The following CALN1 variants were observed in gnomAD, a reference collection of about 807,000 sequenced individuals.
CALN1 encodes calcium-binding protein 8.
Under a neutral mutation model 30.6 loss-of-function variants are expected in CALN1, and 17 were observed. The ratio of observed to expected loss-of-function variants is 0.56; its 90% CI spans 0.38 to 0.83. The LOEUF (loss-of-function observed/expected upper bound fraction) is 0.83. Among genes scored for constraint, CALN1 ranks in the 40% least tolerant of loss-of-function variants. CALN1 has a pLI of 0.00. For missense variants in CALN1, 291 were observed against 354.9 expected (o/e 0.82, Z 1.45); for synonymous variants, 156 against 131.4 (o/e 1.19, Z -1.28).
At chr7:72,051,570 G>A (rs902470073) in intron 4 of CALN1, among the ~76,000 whole-genome samples, 2 of 152,078 alleles carry the variant, frequency 1.3e-5, no homozygotes, top group Admixed American at 1.3e-4. Context: ...CCAGGATGAA[G>A]AAAAAGTGGA....
the CALN1 span, among the ~76,000 whole-genome samples, chr7:72,483,210 T>C: frequency 6.6e-6 from 1 of 152,050 alleles, no homozygotes; most frequent in Non-Finnish European, 1.5e-5. Flanking sequence ...GTTCTTATTT[T>C]CCCCTGATGT....
At chr7:71,922,731 A>AGAATATATTATATAAATATATAACATACC (rs1795026303) in intron 5 of CALN1, among the ~76,000 whole-genome samples, 2 of 138,612 alleles carry the variant, frequency 1.4e-5, no homozygotes, top group African/African-American at 5.3e-5. Flanking sequence ...TATAACATAC[A>AGAATATATTATATAAATATATAACATACC]GAATATATTA....
chr7:71,967,137 A>C (rs1185959478), intron 5 of CALN1, among the ~76,000 whole-genome samples: 2 of 152,192 alleles, frequency 1.3e-5, no homozygotes, highest in African/African-American at 4.8e-5. Flanking sequence ...TAAAACTATA[A>C]AATATACAGA....
At position 71,784,660 on chromosome 7, in the gene CALN1, C is replaced by G. The variant is rs1016793354; in HGVS notation, c.*3115G>C. The G allele has an allele frequency of 2.5e-6, 1 of 396,608 alleles. No homozygotes were observed. Among genetic ancestry groups the G allele is most frequent in the African/African-American group, 2.1e-5 (1 of 48,570 alleles). 24.6% of individuals were successfully genotyped at this position (396,608 alleles called of 1,614,324 possible). A position where few individuals can be genotyped will look rare whatever the true frequency, so the allele number is the denominator to read the frequency against. ...AGGGGGGCGGCGGGGGGTACCTGCT[C>G]TTGCAGCAAGAATGAGCCAACCTGT... On this transcript the variant is annotated 3_prime_UTR_variant, in exon 7 of 7. Coordinates refer to ENST00000395275, the MANE Select transcript of CALN1 (RefSeq NM_031468.4).
chr7:72,428,340 T>A (rs1412627858), intron 1 of CALN1, among the ~76,000 whole-genome samples: 1 of 152,104 alleles, frequency 6.6e-6, no homozygotes, highest in Non-Finnish European at 1.5e-5. Flanking sequence ...GGGAGGCGAT[T>A]TTTGGAAGTG....
chr7:71,999,852 G>T (rs181658063), intron 5 of CALN1, among the ~76,000 whole-genome samples: 1 of 151,760 alleles, frequency 6.6e-6, no homozygotes, highest in East Asian at 1.9e-4. Flanking sequence ...CATTCACCAA[G>T]ACAGATAATA....
intron 2 of CALN1, among the ~76,000 whole-genome samples, chr7:72,386,779 G>A (rs1169625417): frequency 1.3e-5 from 2 of 152,158 alleles, no homozygotes; most frequent in South Asian, 2.1e-4. Flanking sequence ...GGGGCTACAG[G>A]GGCATGCCAC....
At chr7:72,405,115 G>A (rs1337727993) in intron 1 of CALN1, among the ~76,000 whole-genome samples, 3 of 152,128 alleles carry the variant, frequency 2.0e-5, no homozygotes, top group Non-Finnish European at 2.9e-5. Flanking sequence ...CAGGAATGAT[G>A]AGATACGACA....
chr7:72,035,267 T>C (rs774875335), intron 4 of CALN1, among the ~76,000 whole-genome samples: 3 of 151,990 alleles, frequency 2.0e-5, no homozygotes, highest in Non-Finnish European at 1.5e-5. Flanking sequence ...CATGAAACCA[T>C]AGCTCCTCAT....
intron 2 of CALN1, among the ~76,000 whole-genome samples, chr7:72,297,536 G>GA (rs1309351065): frequency 2.0e-5 from 3 of 152,128 alleles, no homozygotes; most frequent in Non-Finnish European, 4.4e-5. Context: ...TCAAGATAAA[G>GA]AAAGTGGATT....
intron 5 of CALN1, among the ~76,000 whole-genome samples, chr7:71,835,678 C>A (rs115816863): frequency 1.1e-3 from 175 of 152,218 alleles, no homozygotes; most frequent in African/African-American, 4.0e-3. Flanking sequence ...GCACATAAAC[C>A]ACCAGCCCCA....
intron 2 of CALN1, among the ~76,000 whole-genome samples, chr7:72,314,376 C>T (rs1013354312): frequency 1.9e-4 from 8 of 41,940 alleles, no homozygotes; most frequent in East Asian, 7.3e-4. Flanking sequence ...CATATATACA[C>T]ATATATACAC....
chr7:71,852,130 G>A lies in CALN1; in HGVS notation c.502-41638C>T, dbSNP rs559440435. The stretch of plus-strand genomic sequence containing the variant: ...GATTAGTTCATTCCATTTTGTCATC[G>A]AACAGCATTTCATTGCACACGTTCA... On this transcript the variant is annotated intron_variant, in intron 5 of 6. Coordinates refer to ENST00000395275, the MANE Select transcript of CALN1 (RefSeq NM_031468.4). 5.3e-5 allele frequency among the ~76,000 whole-genome samples: 8 copies of A among 152,170 alleles called. No individual in the cohort carries two copies. In the South Asian group the frequency reaches 1.5e-3, roughly 28 times the overall value.
intron 5 of CALN1, among the ~76,000 whole-genome samples, chr7:71,866,390 G>A (rs900524559): frequency 6.6e-6 from 1 of 151,712 alleles, no homozygotes; most frequent in South Asian, 2.1e-4. Context: ...GCTATATTAT[G>A]TATATTATGC....
intron 3 of CALN1, among the ~76,000 whole-genome samples, chr7:72,200,941 A>G (rs896883768): frequency 1.3e-5 from 2 of 152,228 alleles, no homozygotes; most frequent in African/African-American, 4.8e-5. Flanking sequence ...ATATACCCAA[A>G]GGAAAATAAA....
chr7:71,853,350 T>C (rs538136440), intron 5 of CALN1, among the ~76,000 whole-genome samples: 2 of 152,286 alleles, frequency 1.3e-5, no homozygotes, highest in East Asian at 3.9e-4. Context: ...ATTTATGGCA[T>C]CTAATTTGAT....
intron 3 of CALN1, among the ~76,000 whole-genome samples, chr7:72,195,159 T>C (rs557201492): frequency 1.3e-5 from 2 of 152,196 alleles, no homozygotes; most frequent in African/African-American, 2.4e-5. Flanking sequence ...CTGAAGCGTC[T>C]GTCTTACAGA....
chr7:72,225,550 A>T (rs1793609971), intron 3 of CALN1, among the ~76,000 whole-genome samples: 1 of 152,004 alleles, frequency 6.6e-6, no homozygotes, highest in African/African-American at 2.4e-5. Context: ...AGACGGAAAG[A>T]TCACACACAG....
At chr7:72,250,420 G>T (rs947818083) in intron 3 of CALN1, among the ~76,000 whole-genome samples, 2 of 152,214 alleles carry the variant, frequency 1.3e-5, no homozygotes, top group Non-Finnish European at 2.9e-5. Flanking sequence ...TACTGAATGA[G>T]AGTGATGTCA....
Sources: gnomAD v4.1 joint callset for allele counts (sites outside exome capture counted in the v4.1 genomes callset) on GRCh38, gnomAD v4.1.1 for gene constraint, MANE v1.5 for transcripts, NCBI Gene and HGNC (gene_info 2026-07-23, HGNC 2026-07-21) for gene names.